The following LARGE1 variants were observed in gnomAD, a reference collection of about 807,000 sequenced individuals.
LARGE1 encodes the protein LARGE xylosyl- and glucuronyltransferase 1.
LARGE1 carries 43 observed loss-of-function variants against 87.6 expected under a neutral mutation model. The ratio of observed to expected loss-of-function variants is 0.49; its 90% CI spans 0.38 to 0.63. The LOEUF is 0.63. Ranked by LOEUF, LARGE1 falls within the 30% of genes least tolerant of loss-of-function variation. The pLI, the probability that LARGE1 is intolerant of heterozygous loss-of-function variation, is 0.00. For missense variants in LARGE1, 802 were observed against 1,000.2 expected, an observed-to-expected ratio of 0.80 and a Z score of 2.67; for synonymous variants, 434 against 394.6, an observed-to-expected ratio of 1.10 and a Z score of -1.18.
chr22:33,502,100 G>A (rs2070468735), intron 6 of LARGE1, among the ~76,000 whole-genome samples: 1 of 152,030 alleles, frequency 6.6e-6, no homozygotes. Flanking sequence ...GGAGGCTGAG[G>A]CAGGAGAATC....
At chr22:33,279,973 A>C (rs1336846952) in intron 13 of LARGE1, among the ~76,000 whole-genome samples, 1 of 152,222 alleles carries the variant, frequency 6.6e-6, no homozygotes, top group East Asian at 1.9e-4. Flanking sequence ...TTAGCCGTTA[A>C]TTTCCTTTTG....
chr22:33,440,282 G>C (rs1011308756), intron 6 of LARGE1, among the ~76,000 whole-genome samples: 3 of 152,208 alleles, frequency 2.0e-5, no homozygotes, highest in African/African-American at 7.2e-5. Flanking sequence ...CTATCTGAAT[G>C]GAGTGGAAGT....
intron 1 of LARGE1, among the ~76,000 whole-genome samples, chr22:33,790,730 T>C (rs1477176287): frequency 1.3e-5 from 2 of 152,190 alleles, no homozygotes; most frequent in South Asian, 2.1e-4. Context: ...ATCCTACCTG[T>C]CACAAAGATT....
intron 11 of LARGE1, among the ~76,000 whole-genome samples, chr22:33,169,646 T>C (rs1965989568): frequency 6.6e-6 from 1 of 151,544 alleles, no homozygotes; most frequent in Non-Finnish European, 1.5e-5. Flanking sequence ...GGTCAGGAGA[T>C]TGAGATCATA....
rs2157226 is a variant in LARGE1, at chr22:33,183,694, C to T, written c.1731-16862G>A. On this transcript the variant is annotated intron_variant, in intron 11 of 11. Transcript: ENST00000608642. Reference sequence around the variant, plus strand: ...AAAAGAAGGAAATTTGTGATGGCATCGATTGCTCTGGAGCCCATTATGCTA... The same window carrying T: ...AAAAGAAGGAAATTTGTGATGGCATTGATTGCTCTGGAGCCCATTATGCTA... Among the ~76,000 whole-genome samples, 611 of 151,020 alleles carry T rather than the reference C, an allele frequency of 4.0e-3. 6 individuals carry two copies. The highest frequency in any genetic ancestry group is 0.017 in the Middle Eastern group (5 of 292).
At chr22:33,685,510 A>G (rs749524542) in intron 2 of LARGE1, among the ~76,000 whole-genome samples, 5 of 152,222 alleles carry the variant, frequency 3.3e-5, no homozygotes, top group Non-Finnish European at 7.3e-5. Context: ...TGGCATCTGA[A>G]TCAACTGTGG....
chr22:33,789,080 C>T (rs2085739440), intron 1 of LARGE1, among the ~76,000 whole-genome samples: 1 of 152,182 alleles, frequency 6.6e-6, no homozygotes, highest in Non-Finnish European at 1.5e-5. Flanking sequence ...TCACAGCAGC[C>T]CCTCACATCA....
rs1190446836 is a variant in LARGE1, at chr22:33,507,609, T to C, written c.787+57239A>G. 2.0e-5 allele frequency among the ~76,000 whole-genome samples: 3 copies of C among 152,188 alleles called. No individual in the cohort carries two copies. The South Asian group carries it at 6.2e-4, about 32-fold the overall frequency. ...GGTATAAAGCTTCAGTTCAGGATGA[T>C]GAAAAAGTTCTGGAGATGGATGGTG... On this transcript the variant is annotated intron_variant, in intron 6 of 14. Coordinates refer to ENST00000397394, the MANE Select transcript of LARGE1 (RefSeq NM_133642.5).
chr22:33,146,934 C>T, the LARGE1 span, among the ~76,000 whole-genome samples: 2 of 152,160 alleles, frequency 1.3e-5, no homozygotes, highest in South Asian at 2.1e-4. Context: ...ATTAGTCTGA[C>T]CTTCAGCATT....
the LARGE1 span, among the ~76,000 whole-genome samples, chr22:33,085,352 A>G: frequency 2.6e-4 from 39 of 152,374 alleles, no homozygotes; most frequent in East Asian, 6.9e-3. Flanking sequence ...TTCTAAAAAC[A>G]GAATGGAATA....
At chr22:33,379,179 T>C (rs958849441) in intron 9 of LARGE1, among the ~76,000 whole-genome samples, 4 of 151,984 alleles carry the variant, frequency 2.6e-5, no homozygotes, top group African/African-American at 9.6e-5. Context: ...AAGTTCTTTT[T>C]TTTTTTTTTG....
chr22:33,224,088 A>G (rs1473509906), intron 11 of LARGE1, among the ~76,000 whole-genome samples: 2 of 152,072 alleles, frequency 1.3e-5, no homozygotes, highest in East Asian at 3.9e-4. Context: ...GATCGAGACC[A>G]TCCTAGCTAA....
intron 11 of LARGE1, among the ~76,000 whole-genome samples, chr22:33,196,322 T>G (rs1924079609): frequency 6.6e-6 from 1 of 152,052 alleles, no homozygotes; most frequent in Non-Finnish European, 1.5e-5. Flanking sequence ...GAGTTATCAC[T>G]AAAGATGCTG....
At chr22:33,804,128 C>G (rs2086242661) in intron 1 of LARGE1, among the ~76,000 whole-genome samples, 1 of 152,242 alleles carries the variant, frequency 6.6e-6, no homozygotes, top group South Asian at 2.1e-4. Flanking sequence ...GCAATCCTGA[C>G]TGCCATCCTT....
At chr22:33,712,361 T>C (rs1051242953) in intron 2 of LARGE1, among the ~76,000 whole-genome samples, 1 of 152,074 alleles carries the variant, frequency 6.6e-6, no homozygotes, top group Non-Finnish European at 1.5e-5. Context: ...TAAACAGCCT[T>C]CAGGCAGGCA....
chr22:33,311,107 C>T (rs1368296851), intron 11 of LARGE1, among the ~76,000 whole-genome samples: 1 of 152,068 alleles, frequency 6.6e-6, no homozygotes, highest in Non-Finnish European at 1.5e-5. Flanking sequence ...ACTACAGGCG[C>T]CCGCCACCAT....
At chr22:33,150,138 A>G in the LARGE1 span, among the ~76,000 whole-genome samples, 1 of 152,196 alleles carries the variant, frequency 6.6e-6, no homozygotes, top group Non-Finnish European at 1.5e-5. Context: ...AAAAAGTATC[A>G]AAGAACTGAA....
At chr22:33,089,369 C>CT in the LARGE1 span, among the ~76,000 whole-genome samples, 5,776 of 57,286 alleles carry the variant, frequency 0.1, 280 homozygotes, top group East Asian at 0.53. Flanking sequence ...TCTTCTTCTT[C>CT]TCCTTCTTCT....
intron 2 of LARGE1, among the ~76,000 whole-genome samples, chr22:33,746,759 G>A (rs537610039): frequency 6.6e-6 from 1 of 152,218 alleles, no homozygotes; most frequent in Admixed American, 6.5e-5. Flanking sequence ...GAGTGAGGCT[G>A]TTGTGCAAGA....
Sources: gnomAD v4.1 joint callset for allele counts (sites outside exome capture counted in the v4.1 genomes callset) on GRCh38, gnomAD v4.1.1 for gene constraint, MANE v1.5 for transcripts, NCBI Gene and HGNC (gene_info 2026-07-23, HGNC 2026-07-21) for gene names.